ERAP1: variants seen among roughly 807,000 people sequenced by gnomAD.
ERAP1 encodes the protein adipocyte-derived leucine aminopeptidase.
In ERAP1, 86 loss-of-function variants were observed where a neutral mutation model predicts 103.7. The observed-to-expected ratio is 0.83, with a 90% CI of 0.70 to 0.99. The LOEUF is 0.99. Among genes scored for constraint, ERAP1 ranks in the 50% least tolerant of loss-of-function variants. The pLI is 0.00. For missense variants in ERAP1, 1,009 were observed against 1,128.4 expected (o/e 0.89, Z 1.52); for synonymous variants, 398 against 402.4 (o/e 0.99, Z 0.13).
chr5:96,814,419 C>T, the ERAP1 span: 3 of 436,750 alleles, frequency 6.9e-6, no homozygotes, highest in African/African-American at 6.1e-5. Context: ...GAAGATATTT[C>T]TACTATTATA....
the ERAP1 span, among the ~76,000 whole-genome samples, chr5:96,850,227 A>T: frequency 6.6e-6 from 1 of 152,200 alleles, no homozygotes; most frequent in South Asian, 2.1e-4. Context: ...AGGTAATAAA[A>T]GCAAAATAGG....
chr5:96,917,731 C>A, the ERAP1 span: 1 of 618,088 alleles, frequency 1.6e-6, no homozygotes, highest in Non-Finnish European at 2.5e-6. Context: ...ACGGTGAGAC[C>A]CCGTCTCCGC....
At chr5:96,762,746 T>TAC (rs1768439222) in exon 20 of ERAP1, 1 of 251,656 alleles carries the variant, frequency 4.0e-6, no homozygotes, top group East Asian at 8.4e-5. Context: ...TTCTATAATT[T>TAC]ACTACCCATT....
intron 18 of ERAP1, 54 bp from the exon 19 acceptor site, chr5:96,776,605 G>GTAAC: frequency 6.3e-7 from 1 of 1,592,434 alleles, no homozygotes; most frequent in African/African-American, 1.3e-5. Flanking sequence ...TTAATCAGAT[G>GTAAC]TAACTTTAGT....
chr5:96,882,461 G>A, the ERAP1 span, among the ~76,000 whole-genome samples: 3 of 152,112 alleles, frequency 2.0e-5, no homozygotes, highest in Admixed American at 6.5e-5. Flanking sequence ...GTATGATAAT[G>A]TACTGCACAA....
chr5:96,929,220 A>G, the ERAP1 span, among the ~76,000 whole-genome samples: 1 of 152,164 alleles, frequency 6.6e-6, no homozygotes, highest in Non-Finnish European at 1.5e-5. Flanking sequence ...TTCCTGCTCT[A>G]TAACTTTTTG....
At chr5:96,802,499 T>C (rs895840002) in intron 2 of ERAP1, among the ~76,000 whole-genome samples, 12 of 152,158 alleles carry the variant, frequency 7.9e-5, no homozygotes, top group African/African-American at 2.9e-4. Context: ...CTTTCTTACC[T>C]TGATAAAATA....
chr5:96,771,522 G>T, downstream of ERAP1: 1 of 652,716 alleles, frequency 1.5e-6, no homozygotes, highest in South Asian at 2.2e-5. Flanking sequence ...AAGAGAAACT[G>T]AAAGGACCAT....
chr5:96,867,297 G>A, the ERAP1 span, among the ~76,000 whole-genome samples: 8 of 152,094 alleles, frequency 5.3e-5, no homozygotes, highest in East Asian at 1.9e-4. Flanking sequence ...ATGAACCACC[G>A]TGCTGGGCTT....
chr5:96,886,286 G>A, the ERAP1 span, among the ~76,000 whole-genome samples: 3 of 152,152 alleles, frequency 2.0e-5, no homozygotes, highest in Non-Finnish European at 4.4e-5. Flanking sequence ...AAAGGGAAAG[G>A]GGCCATTATC....
Position 96,781,690 on chromosome 5 carries a change from C to T in ERAP1, c.2447+3G>A, listed in dbSNP as rs2150904202. On this transcript the variant is annotated splice_donor_region_variant and intron_variant, in intron 16 of 18. Coordinates refer to ENST00000443439, the MANE Select transcript of ERAP1 (RefSeq NM_001040458.3). ...CATGAACATGAATGAATGACGGACT[C>T]ACCATTGAAGCTTTTCCTTATTTTG... 1.2e-6 allele frequency: 2 copies of T among 1,614,134 alleles called. No individual in the cohort carries two copies. Among genetic ancestry groups the T allele is most frequent in the Non-Finnish European group, 1.7e-6 (2 of 1,180,022 alleles).
intron 18 of ERAP1, among the ~76,000 whole-genome samples, chr5:96,777,193 G>A (rs11740375): frequency 6.6e-6 from 1 of 152,140 alleles, no homozygotes; most frequent in African/African-American, 2.4e-5. Flanking sequence ...TGTTTCATTT[G>A]TGGGTATCTT....
chr5:96,780,583 A>G, intron 17 of ERAP1, 79 bp from the exon 18 acceptor site: 1 of 1,097,014 alleles, frequency 9.1e-7, no homozygotes, highest in Non-Finnish European at 1.4e-6. Flanking sequence ...CCTATATATA[A>G]TAGCTTTCAG....
chr5:96,773,475 C>T (rs887866265), downstream of ERAP1: 1 of 152,316 alleles, frequency 6.6e-6, no homozygotes, highest in African/African-American at 2.4e-5. Flanking sequence ...ATTATCTATA[C>T]ATAAAACCTG....
At chr5:96,893,653 G>A in the ERAP1 span, among the ~76,000 whole-genome samples, 6 of 152,154 alleles carry the variant, frequency 3.9e-5, no homozygotes, top group Non-Finnish European at 7.3e-5. Context: ...TCTCTTCCAC[G>A]GAGATGCAGT....
the ERAP1 span, chr5:96,895,301 G>A: frequency 6.2e-7 from 1 of 1,612,882 alleles, no homozygotes; most frequent in Non-Finnish European, 8.5e-7. Flanking sequence ...CTTAAGGAGG[G>A]TTTTGCAAAA....
At chr5:96,857,434 A>G in the ERAP1 span, among the ~76,000 whole-genome samples, 326 of 152,330 alleles carry the variant, frequency 2.1e-3, 1 homozygote, top group Non-Finnish European at 2.8e-3. Flanking sequence ...GGCCTTGCCC[A>G]TAGAAAACTC....
chr5:96,842,312 A>T, the ERAP1 span, among the ~76,000 whole-genome samples: 1 of 152,118 alleles, frequency 6.6e-6, no homozygotes. Flanking sequence ...CAGTAGTAGG[A>T]TTGCTGGATC....
the ERAP1 span, among the ~76,000 whole-genome samples, chr5:96,905,334 A>G: frequency 6.6e-6 from 1 of 152,230 alleles, no homozygotes; most frequent in East Asian, 1.9e-4. Flanking sequence ...AATTATTTCA[A>G]AATGCTATTG....
Sources: gnomAD v4.1 joint callset for allele counts (sites outside exome capture counted in the v4.1 genomes callset) on GRCh38, gnomAD v4.1.1 for gene constraint, MANE v1.5 for transcripts, NCBI Gene and HGNC (gene_info 2026-07-23, HGNC 2026-07-21) for gene names.